KAT6A: variants seen among roughly 807,000 people sequenced by gnomAD.
The protein encoded by KAT6A is histone acetyltransferase KAT6A.
KAT6A carries 9 observed loss-of-function variants against 198.4 expected under a neutral mutation model. That is an observed-to-expected ratio of 0.05 (90% confidence interval 0.03 to 0.08). The LOEUF (loss-of-function observed/expected upper bound fraction) is 0.08. Among genes scored for constraint, KAT6A ranks in the 10% least tolerant of loss-of-function variants. The pLI, the probability that KAT6A is intolerant of heterozygous loss-of-function variation, is 1.00. For missense variants in KAT6A, 2,077 were observed against 2,509.9 expected (o/e 0.83, Z 3.69); for synonymous variants, 890 against 883.0 (o/e 1.01, Z -0.14).
At chr8:42,046,747 A>G (rs1378626748) in intron 2 of KAT6A, among the ~76,000 whole-genome samples, 1 of 152,110 alleles carries the variant, frequency 6.6e-6, no homozygotes, top group Non-Finnish European at 1.5e-5. Flanking sequence ...CAGCACTTAA[A>G]TATAGAATAA....
chr8:41,976,350 T>C (rs964569121), intron 7 of KAT6A, among the ~76,000 whole-genome samples: 1 of 152,210 alleles, frequency 6.6e-6, no homozygotes, highest in African/African-American at 2.4e-5. Flanking sequence ...TAAGCTTTAA[T>C]TTATTGGACA....
chr8:41,956,870 T>C (rs1166784833), intron 8 of KAT6A, among the ~76,000 whole-genome samples: 3 of 152,262 alleles, frequency 2.0e-5, no homozygotes, highest in Non-Finnish European at 4.4e-5. Flanking sequence ...AGGCTGTTTT[T>C]AAACTACATT....
At chr8:42,042,183 G>A (rs1587861310) in intron 2 of KAT6A, among the ~76,000 whole-genome samples, 1 of 152,176 alleles carries the variant, frequency 6.6e-6, no homozygotes, top group Non-Finnish European at 1.5e-5. Context: ...CCCTGGCCGG[G>A]CACGGTGGCT....
intron 1 of KAT6A, among the ~76,000 whole-genome samples, chr8:42,050,843 G>A (rs992695663): frequency 6.6e-6 from 1 of 152,110 alleles, no homozygotes; most frequent in Non-Finnish European, 1.5e-5. Flanking sequence ...ATTGTCATCA[G>A]TCTCCAGGTC....
In KAT6A at chr8:42,047,562, G is replaced by A. The variant is rs554968605; in HGVS notation, c.600+816C>T. Among the ~76,000 whole-genome samples, 126 of 152,146 alleles carry A rather than the reference G, an allele frequency of 8.3e-4. 1 individual carries two copies. The highest frequency in any genetic ancestry group is 1.5e-3 in the Non-Finnish European group (105 of 68,014). On this transcript the variant is annotated intron_variant, in intron 2 of 16. Coordinates refer to ENST00000265713, the MANE Select transcript of KAT6A (RefSeq NM_006766.5). ...CCCAAGTAGCTAGGACTACAGGCGC[G>A]CCCATACCTGGCTAATTTTTCTATT...
At chr8:41,959,301 C>T (rs190526224) in intron 8 of KAT6A, among the ~76,000 whole-genome samples, 2 of 152,126 alleles carry the variant, frequency 1.3e-5, no homozygotes, top group South Asian at 2.1e-4. Context: ...TCAGATACTA[C>T]TTCACACCCA....
At chr8:41,969,066 C>A (rs1564029631) in intron 8 of KAT6A, among the ~76,000 whole-genome samples, 1 of 152,166 alleles carries the variant, frequency 6.6e-6, no homozygotes, top group Non-Finnish European at 1.5e-5. Context: ...GAAACTATGT[C>A]CTTCTGATAG....
intron 13 of KAT6A, among the ~76,000 whole-genome samples, 197 bp downstream of exon 13, chr8:41,943,551 G>GCATATATATAGACTATATATAGAC (rs1822245082): frequency 1.3e-5 from 2 of 151,884 alleles, no homozygotes; most frequent in African/African-American, 2.4e-5. Flanking sequence ...AGTTTAAAAA[G>GCATATATATAGACTATATATAGAC]CATATATATA....
chr8:42,005,796 ACACT>A (rs371815069), intron 2 of KAT6A, among the ~76,000 whole-genome samples: 1 of 148,908 alleles, frequency 6.7e-6, no homozygotes, highest in Non-Finnish European at 1.5e-5. Flanking sequence ...ACACACACAC[ACACT>A]CACTCTCTTT....
chr8:41,992,467 T>A (rs1359096758), intron 2 of KAT6A, among the ~76,000 whole-genome samples: 1 of 152,184 alleles, frequency 6.6e-6, no homozygotes, highest in African/African-American at 2.4e-5. Context: ...ATTGGACCTA[T>A]TAGAGGCAGT....
intron 8 of KAT6A, among the ~76,000 whole-genome samples, chr8:41,963,719 TCTTTAGCAGTTC>T (rs1020183084): frequency 6.6e-6 from 1 of 152,154 alleles, no homozygotes; most frequent in African/African-American, 2.4e-5. Flanking sequence ...TTTTAGAAAT[TCTTTAGCAGTTC>T]CTCAAGAGCT....
chr8:42,027,767 T>C (rs999965400), intron 2 of KAT6A, among the ~76,000 whole-genome samples: 2 of 152,132 alleles, frequency 1.3e-5, no homozygotes, highest in Admixed American at 1.3e-4. Flanking sequence ...TTTTTCAGTT[T>C]CTATTTTATT....
chr8:41,933,297 C>G lies in KAT6A; in HGVS notation c.4923G>C (p.Glu1641Asp). The change falls in exon 17 of 17, where the codon GAG (glutamate) becomes GAC (aspartate). Residue 1641 changes from glutamate to aspartate, a missense_variant. Physicochemically the swap from Glu to Asp is conservative, Grantham distance 45 (BLOSUM62 2). Transcript: ENST00000265713. The surrounding 1 kb of genome is among the most constrained non-coding windows in gnomAD (Gnocchi z 6.2). The part of the protein sequence containing the change: ...SIKSPQSCVV[E>D]RPPSNQQQQP... ...GCTGCTGCTGGTTACTGGGAGGCCT[C>G]TCCACCACGCAGCTCTGAGGTGACT... The G allele has an allele frequency of 6.3e-7, 1 of 1,579,438 alleles. No homozygotes were observed. The highest frequency in any genetic ancestry group is 8.6e-7 in the Non-Finnish European group (1 of 1,167,858).
intron 2 of KAT6A, among the ~76,000 whole-genome samples, chr8:42,043,817 A>G (rs1827779057): frequency 6.6e-6 from 1 of 152,102 alleles, no homozygotes; most frequent in Non-Finnish European, 1.5e-5. Flanking sequence ...CTGCCACCTA[A>G]TATTTGTGTG....
chr8:41,998,943 C>A (rs1802382464), intron 2 of KAT6A, among the ~76,000 whole-genome samples: 1 of 151,902 alleles, frequency 6.6e-6, no homozygotes, highest in Non-Finnish European at 1.5e-5. Context: ...CAACATAACC[C>A]ATTAGCCATT....
intron 2 of KAT6A, among the ~76,000 whole-genome samples, chr8:42,046,261 C>G (rs1289142569): frequency 6.6e-6 from 1 of 152,104 alleles, no homozygotes; most frequent in Non-Finnish European, 1.5e-5. Flanking sequence ...ACAGGCCAGG[C>G]ACGGTGGCTC....
At chr8:41,939,779 G>A (rs1036170233) in intron 15 of KAT6A, among the ~76,000 whole-genome samples, 2 of 152,196 alleles carry the variant, frequency 1.3e-5, no homozygotes, top group African/African-American at 4.8e-5. Flanking sequence ...AATGTAATGC[G>A]ATATGCTGGG....
intron 2 of KAT6A, among the ~76,000 whole-genome samples, chr8:42,001,080 A>G (rs1046525835): frequency 6.6e-6 from 1 of 152,224 alleles, no homozygotes; most frequent in African/African-American, 2.4e-5. Flanking sequence ...TTATTGGTAA[A>G]TAGTGATACT....
chr8:42,044,667 CT>C (rs1489287890), intron 2 of KAT6A, among the ~76,000 whole-genome samples: 1 of 152,174 alleles, frequency 6.6e-6, no homozygotes, highest in African/African-American at 2.4e-5. Flanking sequence ...TCCACGCAGT[CT>C]TTGAATTTCA....
Sources: allele counts gnomAD v4.1 joint callset (sites outside exome capture counted in the v4.1 genomes callset), GRCh38; gene constraint gnomAD v4.1.1; non-coding constraint Gnocchi (gnomAD v3.1); transcripts MANE v1.5; gene names NCBI Gene and HGNC (gene_info 2026-07-23, HGNC 2026-07-21).